MDGA2: variants seen among roughly 807,000 people sequenced by gnomAD.
MDGA2 encodes the protein MAM domain-containing glycosylphosphatidylinositol anchor protein 2.
A neutral mutation model predicts 117.8 loss-of-function variants in MDGA2; 40 were observed. That is an observed-to-expected ratio of 0.34 (90% CI 0.26 to 0.44). MDGA2 has a LOEUF of 0.44. MDGA2 is among the 20% of genes least tolerant of loss of function. The pLI is 1.00. For synonymous variants in MDGA2, 452 were observed against 439.0 expected (o/e 1.03, Z -0.37); for missense variants, 1,123 against 1,250.6 (o/e 0.90, Z 1.54).
At chr14:47,372,558 A>C (rs967939951) in intron 1 of MDGA2, among the ~76,000 whole-genome samples, 3 of 151,964 alleles carry the variant, frequency 2.0e-5, no homozygotes, top group Non-Finnish European at 4.4e-5. Context: ...AAAAAGATTT[A>C]CTACATCCAG....
rs889374458 is a variant in MDGA2, at chr14:47,657,868, A to G, written c.280+16649T>C. On this transcript the variant is annotated intron_variant, in intron 1 of 16. Transcript: ENST00000399232. Reference sequence around the variant, plus strand: ...AAGTTGGACCCCACACTTGCAGGATATGACACAGTCCTAAATTAATGACTA... The same window carrying G: ...AAGTTGGACCCCACACTTGCAGGATGTGACACAGTCCTAAATTAATGACTA... 4.6e-4 allele frequency among the ~76,000 whole-genome samples: 70 copies of G among 152,206 alleles called. 2 individuals carry two copies. Among genetic ancestry groups the G allele is most frequent in the Non-Finnish European group, 1.5e-5 (1 of 68,036 alleles).
intron 1 of MDGA2, among the ~76,000 whole-genome samples, chr14:47,559,855 G>A (rs1320970142): frequency 6.6e-6 from 1 of 151,594 alleles, no homozygotes; most frequent in Non-Finnish European, 1.5e-5. Context: ...TTACAGGCAT[G>A]AGCCACCATG....
chr14:47,395,993 T>C (rs2138448257), intron 1 of MDGA2, among the ~76,000 whole-genome samples: 1 of 152,286 alleles, frequency 6.6e-6, no homozygotes, highest in Middle Eastern at 3.4e-3. Context: ...CTTCATATTT[T>C]CTGACTAGCA....
chr14:47,275,644 G>A (rs2139717839), intron 2 of MDGA2, among the ~76,000 whole-genome samples: 1 of 151,972 alleles, frequency 6.6e-6, no homozygotes, highest in African/African-American at 2.4e-5. Context: ...GAAAAAAGGG[G>A]GAAACATTTA....
At chr14:47,410,004 C>A (rs17118559) in intron 1 of MDGA2, among the ~76,000 whole-genome samples, 3 of 152,112 alleles carry the variant, frequency 2.0e-5, no homozygotes, top group African/African-American at 7.2e-5. Flanking sequence ...GCACCACAAT[C>A]ATTACAGGCT....
chr14:47,464,476 C>T (rs1488529647), intron 1 of MDGA2, among the ~76,000 whole-genome samples: 1 of 151,986 alleles, frequency 6.6e-6, no homozygotes. Context: ...GGCTGAAAAA[C>T]ATCAAAGTTT....
At chr14:47,049,330 A>G (rs1275863150) in intron 7 of MDGA2, among the ~76,000 whole-genome samples, 1 of 152,066 alleles carries the variant, frequency 6.6e-6, no homozygotes, top group Non-Finnish European at 1.5e-5. Flanking sequence ...CACATCAGAT[A>G]CCAAAATCTG....
chr14:47,036,310 C>T (rs1353116731), intron 7 of MDGA2, among the ~76,000 whole-genome samples: 2 of 149,154 alleles, frequency 1.3e-5, no homozygotes. Flanking sequence ...TAATTTTTCT[C>T]GAGTAAAGTT....
intron 3 of MDGA2, among the ~76,000 whole-genome samples, chr14:47,188,191 T>C (rs1177801984): frequency 6.6e-6 from 1 of 152,152 alleles, no homozygotes; most frequent in Non-Finnish European, 1.5e-5. Context: ...CATGTCTTTG[T>C]ATAAGCTTTT....
chr14:46,884,849 CT>C lies in MDGA2; in HGVS notation c.2239-2629del, dbSNP rs753486366. Among the ~76,000 whole-genome samples the C allele has an allele frequency of 6.8e-6, 1 of 146,038 alleles. No homozygotes were observed. Among genetic ancestry groups the C allele is most frequent in the Non-Finnish European group, 1.5e-5 (1 of 65,206 alleles). ...ATGATCTCAGGTAATACATTACTTTCTTTTTTGTTTTTTTTCTGAGACAGTC... is the reference window on the plus strand; with the variant it reads ...ATGATCTCAGGTAATACATTACTTTCTTTTTGTTTTTTTTCTGAGACAGTC... On this transcript the variant is annotated intron_variant, in intron 10 of 16. Coordinates refer to ENST00000399232, the MANE Select transcript of MDGA2 (RefSeq NM_001113498.3). The surrounding 1 kb of genome is among the most constrained non-coding windows in gnomAD (Gnocchi z 4.1).
At chr14:47,019,082 GAATT>G (rs1439438565) in intron 8 of MDGA2, among the ~76,000 whole-genome samples, 1 of 152,076 alleles carries the variant, frequency 6.6e-6, no homozygotes, top group East Asian at 1.9e-4. Context: ...TTTATTGAAT[GAATT>G]AATTGAAGTA....
intron 1 of MDGA2, among the ~76,000 whole-genome samples, chr14:47,467,406 A>T (rs1030743820): frequency 6.6e-6 from 1 of 152,152 alleles, no homozygotes; most frequent in Non-Finnish European, 1.5e-5. Context: ...ATCTTGTAGC[A>T]TGATATCCAA....
At chr14:46,996,292 G>A (rs1203301967) in intron 8 of MDGA2, among the ~76,000 whole-genome samples, 1 of 152,168 alleles carries the variant, frequency 6.6e-6, no homozygotes, top group Non-Finnish European at 1.5e-5. Flanking sequence ...GAAAACCAGT[G>A]AAAGGTAGAC....
At chr14:47,672,956 T>TCC (rs764704238) in intron 1 of MDGA2, among the ~76,000 whole-genome samples, 1 of 151,672 alleles carries the variant, frequency 6.6e-6, no homozygotes, top group Non-Finnish European at 1.5e-5. Context: ...CATACACACG[T>TCC]CCCCCCATTA....
intron 8 of MDGA2, among the ~76,000 whole-genome samples, chr14:47,015,508 A>C (rs1393628438): frequency 6.6e-6 from 1 of 152,086 alleles, no homozygotes; most frequent in Non-Finnish European, 1.5e-5. Context: ...TGGCAATATG[A>C]AAACATGGGG....
At chr14:47,224,907 T>G (rs945932404) in intron 2 of MDGA2, among the ~76,000 whole-genome samples, 3 of 152,240 alleles carry the variant, frequency 2.0e-5, no homozygotes, top group African/African-American at 7.2e-5. Context: ...TTGAATTACT[T>G]ATTAGAATAA....
At chr14:47,643,204 T>C (rs1471059945) in intron 1 of MDGA2, among the ~76,000 whole-genome samples, 1 of 152,086 alleles carries the variant, frequency 6.6e-6, no homozygotes, top group African/African-American at 2.4e-5. Flanking sequence ...TTATTTTTAA[T>C]TCTATTCATA....
chr14:47,103,548 T>C (rs1880460663), intron 5 of MDGA2, among the ~76,000 whole-genome samples: 1 of 152,230 alleles, frequency 6.6e-6, no homozygotes, highest in Non-Finnish European at 1.5e-5. Flanking sequence ...TAACAATATT[T>C]GAAATTGTAT....
intron 1 of MDGA2, among the ~76,000 whole-genome samples, chr14:47,537,033 T>C (rs940595574): frequency 6.6e-6 from 1 of 152,114 alleles, no homozygotes; most frequent in Admixed American, 6.5e-5. Flanking sequence ...GACCACTTTA[T>C]GGAAGAATGG....
Sources: gnomAD v4.1 joint callset for allele counts (sites outside exome capture counted in the v4.1 genomes callset) on GRCh38, gnomAD v4.1.1 for gene constraint, Gnocchi (gnomAD v3.1) non-coding constraint, MANE v1.5 for transcripts, NCBI Gene and HGNC (gene_info 2026-07-23, HGNC 2026-07-21) for gene names.